The following ABCA5 variants were observed in gnomAD, a reference collection of about 807,000 sequenced individuals.
The protein encoded by ABCA5 is ATP binding cassette subfamily A member 5.
In ABCA5, 163 loss-of-function variants were observed where a neutral mutation model predicts 206.0. That is an observed-to-expected ratio of 0.79 (90% CI 0.70 to 0.90). The LOEUF is 0.90. Among genes scored for constraint, ABCA5 ranks in the 40% least tolerant of loss-of-function variants. ABCA5 has a pLI of 0.00. For missense variants in ABCA5, 1,859 were observed against 1,912.9 expected (o/e 0.97, Z 0.53); for synonymous variants, 609 against 613.8 (o/e 0.99, Z 0.11).
At chr17:69,282,830 C>A (rs116835799) in intron 18 of ABCA5, among the ~76,000 whole-genome samples, 2 of 151,542 alleles carry the variant, frequency 1.3e-5, no homozygotes, top group Non-Finnish European at 2.9e-5. Flanking sequence ...ACCTATTCTT[C>A]CCCTATTTTC....
intron 24 of ABCA5, among the ~76,000 whole-genome samples, chr17:69,263,225 CTTTAG>C (rs2075169015): frequency 6.6e-6 from 1 of 152,136 alleles, no homozygotes; most frequent in Non-Finnish European, 1.5e-5. Context: ...TGCAGAAGCT[CTTTAG>C]TTTAATTAGG....
intron 19 of ABCA5, among the ~76,000 whole-genome samples, chr17:69,276,948 A>T (rs1025077414): frequency 1.3e-5 from 2 of 152,248 alleles, no homozygotes; most frequent in African/African-American, 4.8e-5. Flanking sequence ...GCATATTCCA[A>T]ACATATAACA....
intron 1 of ABCA5, chr17:69,316,765 A>T (rs901099140): frequency 7.2e-5 from 11 of 152,210 alleles, no homozygotes; most frequent in African/African-American, 2.4e-4. Context: ...AAAATCTTGA[A>T]AGCAGTCAGA....
At chr17:69,295,596 T>C (rs899636260) in intron 10 of ABCA5, among the ~76,000 whole-genome samples, 3 of 152,220 alleles carry the variant, frequency 2.0e-5, no homozygotes, top group African/African-American at 7.2e-5. Flanking sequence ...TATGATTTAA[T>C]ACTGCATCTT....
intron 32 of ABCA5, 82 bp from the exon 33 acceptor site, chr17:69,253,951 T>C: frequency 1.7e-6 from 2 of 1,178,902 alleles, no homozygotes; most frequent in Non-Finnish European, 2.4e-6. Flanking sequence ...CTGATGTTGT[T>C]TTCTCTAGAA....
At chr17:69,260,926 T>C (rs1286089625) in intron 26 of ABCA5, among the ~76,000 whole-genome samples, 199 bp downstream of exon 26, 1 of 151,954 alleles carries the variant, frequency 6.6e-6, no homozygotes, top group Non-Finnish European at 1.5e-5. Context: ...GAACCTGTAA[T>C]GAACATAGCC....
Position 69,261,135 on chromosome 17 carries a change from G to A in ABCA5, c.3554C>T (p.Ser1185Phe). ...ATTTAGCAGAATTACCTTTATGAAA[G>A]AAATCAGGCAACCTAGAAGTGGATA... The part of the protein sequence containing the change: ...PIYPLLGCLI[S>F]FIKISWKNVR... Residue 1185 changes from serine (S) to phenylalanine (F), a missense_variant, in exon 26 of 39, where the codon TCT becomes TTT. Physicochemically the swap from Ser to Phe is radical, Grantham distance 155. Coordinates refer to ENST00000392676, the MANE Select transcript of ABCA5 (RefSeq NM_172232.4). 1.3e-6 allele frequency: 2 copies of A among 1,568,016 alleles called. No individual in the cohort carries two copies. Among genetic ancestry groups the A allele is most frequent in the Non-Finnish European group, 1.7e-6 (2 of 1,156,610 alleles).
chr17:69,277,550 A>G (rs1406813931), intron 19 of ABCA5, 91 bp downstream of exon 19: 7 of 982,730 alleles, frequency 7.1e-6, no homozygotes, highest in Non-Finnish European at 1.0e-5. Context: ...AATTATTTAC[A>G]TATGTTAACA....
chr17:69,320,448 T>C (rs1168055986), intron 1 of ABCA5, among the ~76,000 whole-genome samples: 1 of 152,186 alleles, frequency 6.6e-6, no homozygotes, highest in Admixed American at 6.5e-5. Context: ...ACAATCTGAT[T>C]TTTCTTATAC....
intron 7 of ABCA5, 55 bp from the exon 8 acceptor site, chr17:69,302,961 A>G (rs2075667945): frequency 1.9e-5 from 18 of 960,862 alleles, no homozygotes; most frequent in Non-Finnish European, 1.4e-6. Context: ...CAGTATGAAA[A>G]CAAAATTAAA....
intron 11 of ABCA5, among the ~76,000 whole-genome samples, chr17:69,293,062 A>G (rs571674008): frequency 5.3e-5 from 8 of 152,274 alleles, no homozygotes; most frequent in African/African-American, 1.9e-4. Context: ...GACATTTGGT[A>G]AAGACTGGAG....
In ABCA5 at chr17:69,304,678, T is replaced by C. The variant is rs369816722; in HGVS notation, c.921A>G (p.Gly307=). 8.2e-6 allele frequency: 13 copies of C among 1,584,332 alleles called. No individual in the cohort carries two copies. The South Asian group carries it at 1.1e-4, about 13-fold the overall frequency. ...IVIFLLFFLY[G]LSSVFFALML... ...AAGTTAAAATACTTACAGATGATAA[T>C]CCATAAAGGAAAAAAAGCAGAAATA... The change falls in exon 7 of 39, where the codon GGA becomes GGG. Residue 307 remains glycine, a synonymous_variant. Coordinates refer to ENST00000392676, the MANE Select transcript of ABCA5 (RefSeq NM_172232.4).
In ABCA5 at chr17:69,294,292, G is replaced by A. The variant is rs183604776; in HGVS notation, c.1495+363C>T. ...AATTCCAGCACTTTAGGAGGCTGAG[G>A]CGGGCGAACCACCTGAGGTCAGGAG... On this transcript the variant is annotated intron_variant, in intron 11 of 38. Coordinates refer to ENST00000392676, the MANE Select transcript of ABCA5 (RefSeq NM_172232.4). 1.8e-4 allele frequency among the ~76,000 whole-genome samples: 28 copies of A among 152,228 alleles called. 1 individual carries two copies. The highest frequency in any genetic ancestry group is 1.8e-3 in the Admixed American group (28 of 15,272).
At chr17:69,314,539 A>G in intron 1 of ABCA5, 109 bp from the exon 2 acceptor site, 1 of 638,690 alleles carries the variant, frequency 1.6e-6, no homozygotes, top group Non-Finnish European at 2.8e-6. Flanking sequence ...AGATGGATTA[A>G]GCATACTCCA....
At chr17:69,272,487 A>G (rs780187289) in intron 20 of ABCA5, among the ~76,000 whole-genome samples, 1 of 152,120 alleles carries the variant, frequency 6.6e-6, no homozygotes, top group Non-Finnish European at 1.5e-5. Flanking sequence ...AAGCAAAAAG[A>G]TATGATTTGA....
intron 11 of ABCA5, among the ~76,000 whole-genome samples, chr17:69,293,922 A>T (rs139258074): frequency 2.0e-5 from 3 of 150,234 alleles, no homozygotes; most frequent in African/African-American, 7.4e-5. Context: ...CTGGGGACTG[A>T]CTAACACATT....
At chr17:69,279,397 G>A (rs2075366715) in intron 18 of ABCA5, among the ~76,000 whole-genome samples, 1 of 152,108 alleles carries the variant, frequency 6.6e-6, no homozygotes, top group African/African-American at 2.4e-5. Flanking sequence ...ACAAACAAAT[G>A]GAAGAACATT....
chr17:69,264,545 G>T (rs763707724), intron 24 of ABCA5, among the ~76,000 whole-genome samples, 190 bp downstream of exon 24: 33 of 152,088 alleles, frequency 2.2e-4, no homozygotes, highest in Admixed American at 1.1e-3. Context: ...TAAAATGGTG[G>T]TAAGTTATTG....
At position 69,319,910 on chromosome 17, in the gene ABCA5, A is replaced by G. The variant is rs143084873; in HGVS notation, c.-15-5480T>C. ...TATAGGTTAAGAGTATGACCTCTGA[A>G]GCCAAACCAACTAAACATGAATCCT... is the stretch of plus-strand genomic sequence containing the variant. On this transcript the variant is annotated intron_variant, in intron 1 of 38. Transcript: ENST00000392676. Among the ~76,000 whole-genome samples the G allele has an allele frequency of 7.4e-3, 1,135 of 152,356 alleles. 20 individuals are homozygous for G. Among genetic ancestry groups the G allele is most frequent in the African/African-American group, 0.026 (1,064 of 41,594 alleles).
Sources: allele counts gnomAD v4.1 joint callset (sites outside exome capture counted in the v4.1 genomes callset), GRCh38; gene constraint gnomAD v4.1.1; transcripts MANE v1.5; gene names NCBI Gene and HGNC (gene_info 2026-07-23, HGNC 2026-07-21).